The following GALNTL5 variants were observed in gnomAD, a reference collection of about 807,000 sequenced individuals.
GALNTL5 encodes inactive polypeptide N-acetylgalactosaminyltransferase-like protein 5.
In GALNTL5, 44 loss-of-function variants were observed where a neutral mutation model predicts 51.0. That is an observed-to-expected ratio of 0.86 (90% CI 0.68 to 1.11). The LOEUF is 1.11. GALNTL5 is among the 50% of genes least tolerant of loss of function. The pLI, the probability that GALNTL5 is intolerant of heterozygous loss-of-function variation, is 0.00. For missense variants in GALNTL5, 528 were observed against 531.8 expected, an observed-to-expected ratio of 0.99 and a Z score of 0.07; for synonymous variants, 192 against 182.8, an observed-to-expected ratio of 1.05 and a Z score of -0.41.
intron 4 of GALNTL5, chr7:151,984,225 T>C (rs2081333357): frequency 1.3e-5 from 2 of 152,348 alleles, no homozygotes; most frequent in East Asian, 1.9e-4. Flanking sequence ...TCATGCTTAC[T>C]GGTTTTAAAG....
rs75337785 is a variant in GALNTL5, at chr7:151,989,808, T to C, written c.658+2527T>C. On this transcript the variant is annotated intron_variant, in intron 5 of 8. Transcript: ENST00000392800. ...AGGCTACCTTTTCTTTTCTTGGTAT[T>C]ACCAGCCATCAAATTTTTTCATATT... 8.7e-3 allele frequency among the ~76,000 whole-genome samples: 1,332 copies of C among 152,332 alleles called. 15 individuals are homozygous for C. Among genetic ancestry groups the C allele is most frequent in the African/African-American group, 0.031 (1,282 of 41,582 alleles).
At chr7:152,000,692 C>T (rs547099233) in intron 5 of GALNTL5, among the ~76,000 whole-genome samples, 1 of 152,312 alleles carries the variant, frequency 6.6e-6, no homozygotes, top group South Asian at 2.1e-4. Context: ...CATCTTTTCA[C>T]ATGCTCATCA....
chr7:152,002,143 G>A (rs1050904579), intron 5 of GALNTL5, among the ~76,000 whole-genome samples: 2 of 152,122 alleles, frequency 1.3e-5, no homozygotes, highest in Non-Finnish European at 2.9e-5. Context: ...AGCCTGGCAT[G>A]TTGGCAGGCA....
intron 8 of GALNTL5, among the ~76,000 whole-genome samples, chr7:152,017,902 G>A (rs2081839816): frequency 6.6e-6 from 1 of 151,904 alleles, no homozygotes; most frequent in Non-Finnish European, 1.5e-5. Flanking sequence ...CTGGAGTGCG[G>A]TGATGCAATC....
At chr7:152,014,901 A>G in intron 8 of GALNTL5, 108 bp downstream of exon 8, 1 of 1,038,204 alleles carries the variant, frequency 9.6e-7, no homozygotes, top group Non-Finnish European at 1.4e-6. Context: ...TCTGGAGGTC[A>G]TTATCCTAAG....
intron 5 of GALNTL5, chr7:151,995,372 T>TGCA (rs2081486140): frequency 1.7e-5 from 2 of 120,482 alleles, no homozygotes; most frequent in African/African-American, 4.3e-5. Context: ...TTTTTTTTTT[T>TGCA]TTTTTTTTTT....
At chr7:152,015,634 T>C (rs1196109142) in intron 8 of GALNTL5, among the ~76,000 whole-genome samples, 2 of 151,928 alleles carry the variant, frequency 1.3e-5, no homozygotes, top group African/African-American at 2.4e-5. Context: ...CTGGGATTTA[T>C]AAGAGTGAGC....
rs150320657 is a variant in GALNTL5, at chr7:151,975,954, C to A, written c.368+4889C>A. Among the ~76,000 whole-genome samples, 937 of 152,214 alleles carry A rather than the reference C, an allele frequency of 6.2e-3. 8 individuals are homozygous for A. The highest frequency in any genetic ancestry group is 0.021 in the African/African-American group (885 of 41,546). On this transcript the variant is annotated intron_variant, in intron 3 of 8. Transcript: ENST00000392800. ...AAAAGATACTTGATATGATTTCAAT[C>A]TTAAATTGTTAAGACTTGTTCTGTG...
At chr7:151,979,472 G>A (rs1156771335) in intron 3 of GALNTL5, among the ~76,000 whole-genome samples, 1 of 149,802 alleles carries the variant, frequency 6.7e-6, no homozygotes, top group Non-Finnish European at 1.5e-5. Context: ...TTTGGTGGGG[G>A]GAGGGGGGCA....
At chr7:151,987,614 T>TG (rs1293942685) in intron 5 of GALNTL5, among the ~76,000 whole-genome samples, 428 of 3,608 alleles carry the variant, frequency 0.12, 1 homozygote, top group African/African-American at 0.27. Flanking sequence ...AGAGCAAGAC[T>TG]GGGGGTGGGG....
chr7:152,016,673 A>G (rs1314359602), intron 8 of GALNTL5, among the ~76,000 whole-genome samples: 2 of 152,230 alleles, frequency 1.3e-5, no homozygotes. Context: ...TTAATACAAT[A>G]CAAATACTCA....
At chr7:151,963,690 G>A (rs111811214) in intron 1 of GALNTL5, among the ~76,000 whole-genome samples, 1 of 152,156 alleles carries the variant, frequency 6.6e-6, no homozygotes, top group South Asian at 2.1e-4. Context: ...GAGCCACTGC[G>A]CCTGGCCATT....
At chr7:151,959,634 A>G (rs1207928514) in intron 1 of GALNTL5, among the ~76,000 whole-genome samples, 1 of 152,140 alleles carries the variant, frequency 6.6e-6, no homozygotes, top group Non-Finnish European at 1.5e-5. Context: ...TCAGTCCCAT[A>G]TATACACCCT....
At chr7:151,959,620 G>T (rs770514253) in intron 1 of GALNTL5, among the ~76,000 whole-genome samples, 5 of 152,058 alleles carry the variant, frequency 3.3e-5, no homozygotes, top group Non-Finnish European at 7.4e-5. Context: ...TGTATCCTCT[G>T]GACTCAGTCC....
At chr7:152,000,763 T>A (rs2081566265) in intron 5 of GALNTL5, among the ~76,000 whole-genome samples, 1 of 152,204 alleles carries the variant, frequency 6.6e-6, no homozygotes, top group South Asian at 2.1e-4. Context: ...TAAATCAGGT[T>A]GTCTTTTTAT....
intron 1 of GALNTL5, among the ~76,000 whole-genome samples, chr7:151,964,934 G>C (rs2081039452): frequency 6.6e-6 from 1 of 152,136 alleles, no homozygotes; most frequent in Admixed American, 6.5e-5. Context: ...GGGAGGAAGG[G>C]AAGAAGACAG....
intron 5 of GALNTL5, among the ~76,000 whole-genome samples, chr7:151,993,579 G>T (rs2081455211): frequency 6.6e-6 from 1 of 151,976 alleles, no homozygotes; most frequent in Admixed American, 6.6e-5. Flanking sequence ...TTTCTGTTGT[G>T]GCTTAAGCTA....
At position 151,963,951 on chromosome 7, in the gene GALNTL5, A is replaced by G. The variant is rs560823629; in HGVS notation, c.-39-3257A>G. On this transcript the variant is annotated intron_variant, in intron 1 of 8. Coordinates refer to ENST00000392800, the MANE Select transcript of GALNTL5 (RefSeq NM_145292.4). ...TCAAATGTCTCAGGCAATCCTTGGCAGCTGTAGGAGTCAGCTCCGGCTGCC... is the reference window on the plus strand; with the variant it reads ...TCAAATGTCTCAGGCAATCCTTGGCGGCTGTAGGAGTCAGCTCCGGCTGCC... Among the ~76,000 whole-genome samples the G allele has an allele frequency of 1.1e-4, 16 of 152,238 alleles. No homozygotes were observed. In the South Asian group the frequency reaches 2.9e-3, roughly 28 times the overall value.
At chr7:151,994,046 T>G (rs560714167) in intron 5 of GALNTL5, among the ~76,000 whole-genome samples, 1 of 152,382 alleles carries the variant, frequency 6.6e-6, no homozygotes, top group Admixed American at 6.5e-5. Context: ...TCTAAGTTTC[T>G]TAGAGTTGTA....
Sources: allele counts gnomAD v4.1 joint callset (sites outside exome capture counted in the v4.1 genomes callset), GRCh38; gene constraint gnomAD v4.1.1; transcripts MANE v1.5; gene names NCBI Gene and HGNC (gene_info 2026-07-23, HGNC 2026-07-21).